Variants in ALCAM observed in about 807,000 individuals in gnomAD.
ALCAM encodes CD166 antigen.
Under a neutral mutation model 70.9 loss-of-function variants are expected in ALCAM, and 30 were observed. The ratio of observed to expected loss-of-function variants is 0.42; its 90% CI spans 0.32 to 0.57. The LOEUF (loss-of-function observed/expected upper bound fraction) is 0.57, where lower values mean the gene tolerates loss of function less well. Ranked by LOEUF, ALCAM falls within the 20% of genes least tolerant of loss-of-function variation. The pLI is 0.11. For synonymous variants in ALCAM, 249 were observed against 242.5 expected (o/e 1.03, Z -0.25); for missense variants, 591 against 695.1 (o/e 0.85, Z 1.68).
chr3:105,476,335 A>G (rs1938108790), intron 1 of ALCAM, among the ~76,000 whole-genome samples: 2 of 151,998 alleles, frequency 1.3e-5, no homozygotes, highest in African/African-American at 4.8e-5. Context: ...AACCATGACT[A>G]CCATTGTTAT....
At chr3:105,517,492 T>C (rs1939414215) in intron 1 of ALCAM, among the ~76,000 whole-genome samples, 1 of 152,254 alleles carries the variant, frequency 6.6e-6, no homozygotes, top group South Asian at 2.1e-4. Context: ...ACACCATTCA[T>C]GAATTTCCAA....
At chr3:105,408,185 A>G (rs982819013) in intron 1 of ALCAM, among the ~76,000 whole-genome samples, 3 of 141,696 alleles carry the variant, frequency 2.1e-5, no homozygotes, top group Non-Finnish European at 3.0e-5. Flanking sequence ...TACCACCATT[A>G]TTCTTCACAG....
At chr3:105,543,972 A>G (rs965797956) in intron 8 of ALCAM, among the ~76,000 whole-genome samples, 1 of 151,648 alleles carries the variant, frequency 6.6e-6, no homozygotes, top group African/African-American at 2.4e-5. Context: ...TCAGTGACAA[A>G]CCAAGTCACA....
chr3:105,458,341 A>G (rs1173014835), intron 1 of ALCAM, among the ~76,000 whole-genome samples: 5 of 152,190 alleles, frequency 3.3e-5, no homozygotes, highest in Admixed American at 3.3e-4. Context: ...TTTCCTGTCA[A>G]TGGAACTGGG....
chr3:105,371,531 CTT>C (rs1935232842), intron 1 of ALCAM, among the ~76,000 whole-genome samples: 1 of 130,122 alleles, frequency 7.7e-6, no homozygotes, highest in Non-Finnish European at 1.7e-5. Flanking sequence ...TTTTTTTTCT[CTT>C]TTTTCTTTTT....
At chr3:105,540,717 C>T (rs1433083301) in intron 7 of ALCAM, among the ~76,000 whole-genome samples, 2 of 152,000 alleles carry the variant, frequency 1.3e-5, no homozygotes, top group East Asian at 1.9e-4. Context: ...TGCCTGTTTG[C>T]TCTCGCATAT....
At chr3:105,434,395 G>A (rs2152577638) in intron 1 of ALCAM, among the ~76,000 whole-genome samples, 1 of 152,142 alleles carries the variant, frequency 6.6e-6, no homozygotes, top group South Asian at 2.1e-4. Context: ...GTAGCCCATG[G>A]TAAATTAGGA....
At chr3:105,382,228 T>C (rs1467527144) in intron 1 of ALCAM, among the ~76,000 whole-genome samples, 1 of 151,958 alleles carries the variant, frequency 6.6e-6, no homozygotes, top group Admixed American at 6.6e-5. Flanking sequence ...CTGAGAATGA[T>C]GATTTCCAAT....
At chr3:105,483,033 A>G (rs1433366929) in intron 1 of ALCAM, among the ~76,000 whole-genome samples, 1 of 152,178 alleles carries the variant, frequency 6.6e-6, no homozygotes, top group African/African-American at 2.4e-5. Context: ...TAGAAAACCA[A>G]CTAGATTATA....
At chr3:105,368,655 C>A (rs759366154) in intron 1 of ALCAM, among the ~76,000 whole-genome samples, 1 of 152,096 alleles carries the variant, frequency 6.6e-6, no homozygotes. Flanking sequence ...GGTTTGAAAG[C>A]CTCTGAATCT....
At chr3:105,418,091 C>T (rs1936552082) in intron 1 of ALCAM, among the ~76,000 whole-genome samples, 1 of 151,798 alleles carries the variant, frequency 6.6e-6, no homozygotes, top group Non-Finnish European at 1.5e-5. Flanking sequence ...AAATTCGTTA[C>T]ATTCTCATTT....
At chr3:105,435,290 C>CA (rs1290811957) in intron 1 of ALCAM, among the ~76,000 whole-genome samples, 2 of 152,144 alleles carry the variant, frequency 1.3e-5, no homozygotes, top group Non-Finnish European at 2.9e-5. Context: ...AGTCATACAA[C>CA]AAAAAACGTG....
chr3:105,384,632 C>T (rs1156563746), intron 1 of ALCAM, among the ~76,000 whole-genome samples: 1 of 151,496 alleles, frequency 6.6e-6, no homozygotes, highest in Non-Finnish European at 1.5e-5. Context: ...ATTAAAAATA[C>T]TTGTCCAGAT....
chr3:105,556,339 G>T (rs1254936864), intron 14 of ALCAM, among the ~76,000 whole-genome samples: 1 of 152,142 alleles, frequency 6.6e-6, no homozygotes, highest in South Asian at 2.1e-4. Flanking sequence ...TAAACTGGAA[G>T]CAAGTGTTAA....
rs555053148 is a variant in ALCAM, at chr3:105,576,039, G to T, written c.*1588G>T. ...TTACTGTCTGGGCAATAGTGACTCC[G>T]TTTAATAAAAGCTTCCGTAGTGCAT... On this transcript the variant is annotated 3_prime_UTR_variant, in exon 16 of 16. Transcript: ENST00000306107. The T allele has an allele frequency of 1.3e-5, 2 of 152,152 alleles. No individual in the cohort carries two copies. The highest frequency in any genetic ancestry group is 2.9e-5 in the Non-Finnish European group (2 of 68,000). 9.4% of individuals were successfully genotyped at this position (152,152 alleles called of 1,614,324 possible).
At chr3:105,469,857 A>T (rs1937871084) in intron 1 of ALCAM, among the ~76,000 whole-genome samples, 1 of 150,872 alleles carries the variant, frequency 6.6e-6, no homozygotes, top group Non-Finnish European at 1.5e-5. Flanking sequence ...TCTTTTTCTT[A>T]CTGTTCTAGC....
intron 1 of ALCAM, among the ~76,000 whole-genome samples, chr3:105,403,720 T>G (rs1462637282): frequency 6.6e-6 from 1 of 151,710 alleles, no homozygotes; most frequent in African/African-American, 2.4e-5. Flanking sequence ...CAGCAATGGA[T>G]CCAAACCAAG....
chr3:105,542,917 G>A (rs545401138), intron 8 of ALCAM, among the ~76,000 whole-genome samples: 1 of 151,736 alleles, frequency 6.6e-6, no homozygotes, highest in South Asian at 2.1e-4. Flanking sequence ...CTCCCATCAG[G>A]GGCTAGTTAC....
At chr3:105,389,680 C>A (rs1935760670) in intron 1 of ALCAM, among the ~76,000 whole-genome samples, 1 of 151,402 alleles carries the variant, frequency 6.6e-6, no homozygotes, top group Admixed American at 6.6e-5. Context: ...CCTATCAACA[C>A]ATCATCTAGG....
Sources: allele counts gnomAD v4.1 joint callset (sites outside exome capture counted in the v4.1 genomes callset), GRCh38; gene constraint gnomAD v4.1.1; transcripts MANE v1.5; gene names NCBI Gene and HGNC (gene_info 2026-07-23, HGNC 2026-07-21).